The following CGNL1 variants were observed in gnomAD, a reference collection of about 807,000 sequenced individuals.
CGNL1 encodes the protein cingulin like 1.
Under a neutral mutation model 141.2 loss-of-function variants are expected in CGNL1, and 132 were observed. The ratio of observed to expected loss-of-function variants is 0.93; its 90% CI spans 0.81 to 1.08. The LOEUF (loss-of-function observed/expected upper bound fraction) is 1.08. Ranked by LOEUF, CGNL1 falls within the 50% of genes least tolerant of loss-of-function variation. The probability of loss-of-function intolerance (pLI) is 0.00; values close to 1 mark genes in which losing one functional copy is unlikely to be tolerated. For missense variants in CGNL1, 1,870 were observed against 1,588.6 expected (o/e 1.18, Z -3.01); for synonymous variants, 690 against 622.1 (o/e 1.11, Z -1.63).
At chr15:57,398,824 A>G (rs888334318) in intron 1 of CGNL1, among the ~76,000 whole-genome samples, 2 of 152,314 alleles carry the variant, frequency 1.3e-5, no homozygotes, top group South Asian at 4.1e-4. Flanking sequence ...GAGGCCTTGT[A>G]TTTTTAACAA....
At chr15:57,485,711 A>G (rs1465012101) in intron 8 of CGNL1, among the ~76,000 whole-genome samples, 2 of 152,252 alleles carry the variant, frequency 1.3e-5, no homozygotes, top group African/African-American at 4.8e-5. Flanking sequence ...TGAACAATGC[A>G]TAAGAGTATA....
intron 3 of CGNL1, 42 bp from the exon 4 acceptor site, chr15:57,442,331 T>C (rs749669594): frequency 2.4e-6 from 3 of 1,244,958 alleles, no homozygotes; most frequent in South Asian, 1.2e-5. Context: ...CTGAGACCAG[T>C]GGTTGTGTCC....
In CGNL1 at chr15:57,549,916, A is replaced by G. The variant is rs2033037967; in HGVS notation, c.*2426A>G. ...AGCCTGCTGAGAGAAGCCTCAGCCC[A>G]CTCATACCTAGAGACGCTGCTGGGG... is the stretch of plus-strand genomic sequence containing the variant. On this transcript the variant is annotated 3_prime_UTR_variant, in exon 19 of 19. Coordinates refer to ENST00000281282, the MANE Select transcript of CGNL1 (RefSeq NM_032866.5). The G allele has an allele frequency of 6.6e-6, 1 of 152,142 alleles. No individual in the cohort carries two copies. Among genetic ancestry groups the G allele is most frequent in the Admixed American group, 6.5e-5 (1 of 15,280 alleles). 9.4% of individuals were successfully genotyped at this position (152,142 alleles called of 1,614,324 possible). A position where few individuals can be genotyped will look rare whatever the true frequency, so the allele number is the denominator to read the frequency against.
chr15:57,444,030 T>C (rs2063222450), intron 4 of CGNL1, among the ~76,000 whole-genome samples: 2 of 152,188 alleles, frequency 1.3e-5, no homozygotes, highest in South Asian at 4.2e-4. Flanking sequence ...TAGTTTTGCA[T>C]CCATGCAAAT....
chr15:57,519,669 AC>A (rs2031107445), intron 10 of CGNL1, among the ~76,000 whole-genome samples: 1 of 152,092 alleles, frequency 6.6e-6, no homozygotes, highest in Non-Finnish European at 1.5e-5. Flanking sequence ...TGTGGATGGC[AC>A]TTTTGCTGTG....
chr15:57,383,298 T>TTTTTTTTTTTTTTTTTTG, intron 1 of CGNL1, among the ~76,000 whole-genome samples: 1 of 141,618 alleles, frequency 7.1e-6, no homozygotes, highest in Admixed American at 7.1e-5. Context: ...CTTCCTTTTT[T>TTTTTTTTTTTTTTTTTTG]TTTTTTTGTT....
chr15:57,422,086 C>G (rs1211356165), intron 1 of CGNL1, among the ~76,000 whole-genome samples: 5 of 139,968 alleles, frequency 3.6e-5, no homozygotes, highest in African/African-American at 1.4e-4. Context: ...CCATGTGGGG[C>G]CCTGTCATTT....
chr15:57,545,168 A>G (rs537321138), intron 16 of CGNL1, among the ~76,000 whole-genome samples: 2 of 152,278 alleles, frequency 1.3e-5, no homozygotes, highest in African/African-American at 4.8e-5. Context: ...AGTCGTTCTG[A>G]CTCACAGCCC....
At chr15:57,471,319 G>A (rs779582253) in intron 8 of CGNL1, among the ~76,000 whole-genome samples, 30 of 152,176 alleles carry the variant, frequency 2.0e-4, no homozygotes, top group Admixed American at 6.5e-5. Context: ...GCCTCACAGT[G>A]CAGGAAGAAC....
intron 1 of CGNL1, among the ~76,000 whole-genome samples, chr15:57,416,745 A>G (rs2062853543): frequency 6.6e-6 from 1 of 152,026 alleles, no homozygotes; most frequent in South Asian, 2.1e-4. Flanking sequence ...TCTCTTCATA[A>G]TCCTCTACAG....
At chr15:57,524,477 T>C (rs2031479870) in intron 11 of CGNL1, 104 bp from the exon 12 acceptor site, 2 of 1,093,592 alleles carry the variant, frequency 1.8e-6, no homozygotes, top group African/African-American at 1.6e-5. Context: ...GAGGGGGCCA[T>C]AGAAGAAAGG....
chr15:57,521,200 G>GT (rs1463671222), intron 10 of CGNL1, among the ~76,000 whole-genome samples: 1 of 152,132 alleles, frequency 6.6e-6, no homozygotes, highest in Non-Finnish European at 1.5e-5. Context: ...AATTTGGGAC[G>GT]TTTTCTCAGC....
At chr15:57,508,984 A>G (rs1290724141) in intron 8 of CGNL1, among the ~76,000 whole-genome samples, 1 of 152,208 alleles carries the variant, frequency 6.6e-6, no homozygotes, top group Non-Finnish European at 1.5e-5. Flanking sequence ...ACTAAAATAT[A>G]TGCTGTTTCT....
chr15:57,506,517 T>C (rs1281811671), intron 8 of CGNL1, among the ~76,000 whole-genome samples: 5 of 152,340 alleles, frequency 3.3e-5, no homozygotes, highest in Middle Eastern at 3.4e-3. Context: ...CTGTGTTTCA[T>C]AGAAGCCCCT....
At chr15:57,506,516 A>G (rs991339673) in intron 8 of CGNL1, among the ~76,000 whole-genome samples, 5 of 152,244 alleles carry the variant, frequency 3.3e-5, no homozygotes, top group African/African-American at 1.2e-4. Context: ...GCTGTGTTTC[A>G]TAGAAGCCCC....
intron 9 of CGNL1, 116 bp downstream of exon 9, chr15:57,517,102 G>T (rs1330732059): frequency 1.0e-6 from 1 of 989,966 alleles, no homozygotes; most frequent in Non-Finnish European, 1.5e-6. Context: ...GAAAGGTCAA[G>T]GCAATAGTGA....
At chr15:57,435,999 C>A (rs1300669105) in intron 1 of CGNL1, among the ~76,000 whole-genome samples, 1 of 152,100 alleles carries the variant, frequency 6.6e-6, no homozygotes, top group South Asian at 2.1e-4. Flanking sequence ...CAAATAAAGA[C>A]CCTCCAAACA....
intron 1 of CGNL1, among the ~76,000 whole-genome samples, chr15:57,422,356 G>A (rs1289546956): frequency 6.6e-6 from 1 of 151,700 alleles, no homozygotes; most frequent in Non-Finnish European, 1.5e-5. Context: ...GATTTCTAAT[G>A]GTGTGACTCA....
At chr15:57,468,601 A>T (rs1172295206) in intron 8 of CGNL1, among the ~76,000 whole-genome samples, 2 of 151,540 alleles carry the variant, frequency 1.3e-5, no homozygotes, top group Non-Finnish European at 2.9e-5. Flanking sequence ...TTAAAGAATA[A>T]ACAAAAAGAG....
Sources: gnomAD v4.1 joint callset for allele counts (sites outside exome capture counted in the v4.1 genomes callset) on GRCh38, gnomAD v4.1.1 for gene constraint, MANE v1.5 for transcripts, NCBI Gene and HGNC (gene_info 2026-07-23, HGNC 2026-07-21) for gene names.